The following ATXN2 variants were observed in gnomAD, a reference collection of about 807,000 sequenced individuals.
The protein encoded by ATXN2 is ataxin 2.
In ATXN2, 37 loss-of-function variants were observed where a neutral mutation model predicts 138.6. That is an observed-to-expected ratio of 0.27 (90% CI 0.21 to 0.35). ATXN2 has a LOEUF of 0.35. ATXN2 is among the 10% of genes least tolerant of loss of function. The probability of loss-of-function intolerance (pLI) is 1.00; values close to 1 mark genes in which losing one functional copy is unlikely to be tolerated. For missense variants in ATXN2, 1,216 were observed against 1,480.3 expected, an observed-to-expected ratio of 0.82 and a Z score of 2.93; for synonymous variants, 549 against 543.7, an observed-to-expected ratio of 1.01 and a Z score of -0.13.
chr12:111,544,405 G>C (rs1881697223), intron 5 of ATXN2, among the ~76,000 whole-genome samples: 1 of 152,062 alleles, frequency 6.6e-6, no homozygotes, highest in Non-Finnish European at 1.5e-5. Context: ...CATTTATATT[G>C]AGCCTGTACT....
chr12:111,550,191 G>C (rs1286288989), intron 5 of ATXN2, among the ~76,000 whole-genome samples: 6 of 152,084 alleles, frequency 3.9e-5, no homozygotes, highest in Admixed American at 3.9e-4. Context: ...CTTATGAGTA[G>C]AGTGAGATTT....
intron 1 of ATXN2, among the ~76,000 whole-genome samples, chr12:111,588,220 T>TAAATAAATAAATAAATAAAA (rs1158535650): frequency 6.6e-6 from 1 of 151,152 alleles, no homozygotes; most frequent in African/African-American, 2.4e-5. Context: ...AATAAATAAA[T>TAAATAAATAAATAAATAAAA]AAAACAAATT....
intron 11 of ATXN2, 47 bp from the exon 12 acceptor site, chr12:111,510,629 T>G (rs1879452302): frequency 3.3e-6 from 5 of 1,514,776 alleles, no homozygotes; most frequent in African/African-American, 1.4e-5. Context: ...GTTCAAATGT[T>G]ACTTCCTAAA....
chr12:111,598,711 G>T lies in ATXN2; in HGVS notation c.251+73C>A. On this transcript the variant is annotated intron_variant, in intron 1 of 24. Coordinates refer to ENST00000673436, the MANE Select transcript of ATXN2 (RefSeq NM_001372574.1). The surrounding 1 kb of genome is among the most constrained non-coding windows in gnomAD (Gnocchi z 4.5). Reference sequence around the variant, plus strand: ...GGGTAGCCCGGCGGGTCACGGGGCGGGGACGGCGGCGCGGGCCGCGGGGGA... The same window carrying T: ...GGGTAGCCCGGCGGGTCACGGGGCGTGGACGGCGGCGCGGGCCGCGGGGGA... The T allele has an allele frequency of 1.0e-6, 1 of 975,908 alleles. No homozygotes were observed. The highest frequency in any genetic ancestry group is 1.3e-6 in the Non-Finnish European group (1 of 792,080). The allele number at this position is 975,908 out of a possible 1,614,324, so 60.5% of individuals were successfully genotyped here. A position where few individuals can be genotyped will look rare whatever the true frequency, so the allele number is the denominator to read the frequency against.
intron 16 of ATXN2, 71 bp from the exon 17 acceptor site, chr12:111,485,936 T>C: frequency 6.9e-7 from 1 of 1,455,950 alleles, no homozygotes; most frequent in Non-Finnish European, 9.3e-7. Flanking sequence ...TAAAGACGGA[T>C]TTTCCCAGTC....
At chr12:111,584,517 T>C (rs1884214509) in intron 1 of ATXN2, among the ~76,000 whole-genome samples, 2 of 151,494 alleles carry the variant, frequency 1.3e-5, no homozygotes, top group African/African-American at 4.8e-5. Context: ...TATATATACA[T>C]TAACTCAAAC....
At chr12:111,455,764 A>C in intron 23 of ATXN2, 1 of 547,912 alleles carries the variant, frequency 1.8e-6, no homozygotes, top group Admixed American at 3.1e-5. Flanking sequence ...GGAAAGAAGG[A>C]CTGGGTTGCA....
intron 6 of ATXN2, among the ~76,000 whole-genome samples, chr12:111,521,289 G>A (rs1389238961): frequency 6.6e-6 from 1 of 152,116 alleles, no homozygotes; most frequent in Non-Finnish European, 1.5e-5. Context: ...TTCAGTTAGA[G>A]ACATCTACAT....
At chr12:111,488,904 T>C (rs1877823408) in intron 14 of ATXN2, 124 bp from the exon 15 acceptor site, 14 of 829,402 alleles carry the variant, frequency 1.7e-5, no homozygotes, top group South Asian at 1.5e-4. Flanking sequence ...GCTTTTTTCA[T>C]ACTTTAAGAG....
intron 1 of ATXN2, among the ~76,000 whole-genome samples, chr12:111,562,033 G>A (rs903551263): frequency 2.6e-5 from 4 of 151,538 alleles, no homozygotes; most frequent in African/African-American, 9.7e-5. Context: ...GGATGGTCTC[G>A]ATCTCCTGAC....
At chr12:111,514,564 G>A (rs935412669) in intron 10 of ATXN2, among the ~76,000 whole-genome samples, 3 of 151,938 alleles carry the variant, frequency 2.0e-5, no homozygotes, top group East Asian at 1.9e-4. Flanking sequence ...TGTCTCTGTC[G>A]CCCAGGCTGG....
chr12:111,598,110 G>A lies in ATXN2; in HGVS notation c.251+674C>T, dbSNP rs1487365685. 9.0e-7 allele frequency: 1 copy of A among 1,116,362 alleles called. No individual in the cohort carries two copies. The highest frequency in any genetic ancestry group is 1.6e-5 in the African/African-American group (1 of 61,256). The allele number at this position is 1,116,362 out of a possible 1,614,324, so 69.2% of individuals were successfully genotyped here. A position where few individuals can be genotyped will look rare whatever the true frequency, so the allele number is the denominator to read the frequency against. On this transcript the variant is annotated intron_variant, in intron 1 of 24. Coordinates refer to ENST00000673436, the MANE Select transcript of ATXN2 (RefSeq NM_001372574.1). The surrounding 1 kb of genome is among the most constrained non-coding windows in gnomAD (Gnocchi z 4.5). Reference sequence around the variant, plus strand: ...CCACATGGAGCCCCACGATTTCAGGGGAGTTCGGGAGCCCCCGCCGCCGCC... The same window carrying A: ...CCACATGGAGCCCCACGATTTCAGGAGAGTTCGGGAGCCCCCGCCGCCGCC...
intron 18 of ATXN2, among the ~76,000 whole-genome samples, chr12:111,473,071 G>A (rs992006308): frequency 7.3e-5 from 11 of 151,432 alleles, no homozygotes; most frequent in Admixed American, 2.0e-4. Flanking sequence ...TCAGGAGTTC[G>A]ACACCAGCCT....
At chr12:111,561,232 T>C (rs1477331357) in intron 1 of ATXN2, among the ~76,000 whole-genome samples, 1 of 149,420 alleles carries the variant, frequency 6.7e-6, no homozygotes. Flanking sequence ...TGGTGGCTCA[T>C]GCCTTAATCC....
At chr12:111,558,572 A>C (rs1343798577) in intron 1 of ATXN2, among the ~76,000 whole-genome samples, 1 of 152,162 alleles carries the variant, frequency 6.6e-6, no homozygotes, top group Non-Finnish European at 1.5e-5. Flanking sequence ...CTGAGGCAGG[A>C]GGATCACTTG....
chr12:111,465,867 A>G (rs960530176), intron 20 of ATXN2, among the ~76,000 whole-genome samples: 1 of 147,488 alleles, frequency 6.8e-6, no homozygotes, highest in Non-Finnish European at 1.5e-5. Flanking sequence ...TGGAAGTTAG[A>G]TTAAGAGACA....
chr12:111,599,548 GC>G, upstream of ATXN2: 1 of 1,188,266 alleles, frequency 8.4e-7, no homozygotes, highest in East Asian at 3.6e-5. Flanking sequence ...CCGGGTGGGA[GC>G]GGAGGTGCGG....
At chr12:111,454,116 C>T in intron 23 of ATXN2, 2 of 317,674 alleles carry the variant, frequency 6.3e-6, no homozygotes, top group African/African-American at 2.1e-5. Context: ...CTTGACATTT[C>T]TGATCATTGT....
At chr12:111,579,298 T>C (rs1023910646) in intron 1 of ATXN2, among the ~76,000 whole-genome samples, 5 of 152,196 alleles carry the variant, frequency 3.3e-5, no homozygotes, top group Admixed American at 1.3e-4. Context: ...GTTTCACTCT[T>C]GATGCCCAGG....
Sources: allele counts gnomAD v4.1 joint callset (sites outside exome capture counted in the v4.1 genomes callset), GRCh38; gene constraint gnomAD v4.1.1; non-coding constraint Gnocchi (gnomAD v3.1); transcripts MANE v1.5; gene names NCBI Gene and HGNC (gene_info 2026-07-23, HGNC 2026-07-21).